The following CHN1 variants were observed in gnomAD, a reference collection of about 807,000 sequenced individuals.
CHN1 encodes chimerin 1, also known as N-chimaerin.
CHN1 carries 37 observed loss-of-function variants against 59.5 expected under a neutral mutation model. The observed-to-expected ratio is 0.62, with a 90% CI of 0.48 to 0.82. The LOEUF is 0.82. CHN1 is among the 40% of genes least tolerant of loss of function. CHN1 has a pLI of 0.00. For synonymous variants in CHN1, 206 were observed against 200.4 expected, an observed-to-expected ratio of 1.03 and a Z score of -0.24; for missense variants, 469 against 571.0, an observed-to-expected ratio of 0.82 and a Z score of 1.82.
At chr2:174,831,470 C>T (rs1685876895) in intron 7 of CHN1, among the ~76,000 whole-genome samples, 1 of 152,108 alleles carries the variant, frequency 6.6e-6, no homozygotes. Flanking sequence ...TACACAGAAC[C>T]ATCAATCTGA....
At chr2:174,869,276 AAT>A (rs1174821410) in intron 6 of CHN1, among the ~76,000 whole-genome samples, 1 of 152,186 alleles carries the variant, frequency 6.6e-6, no homozygotes, top group Non-Finnish European at 1.5e-5. Context: ...ATACACCTCT[AAT>A]TCCTTTGCTG....
chr2:174,938,420 T>C (rs1221487402), intron 3 of CHN1, among the ~76,000 whole-genome samples: 2 of 152,204 alleles, frequency 1.3e-5, no homozygotes, highest in African/African-American at 4.8e-5. Context: ...ACCATTAGCA[T>C]TAGTGGCTTA....
chr2:174,953,709 A>C (rs1690099268), intron 1 of CHN1, among the ~76,000 whole-genome samples: 1 of 152,180 alleles, frequency 6.6e-6, no homozygotes, highest in Non-Finnish European at 1.5e-5. Flanking sequence ...ACAAAAACCA[A>C]AAAAACTTAG....
At chr2:174,876,022 T>C (rs1574115328) in intron 6 of CHN1, among the ~76,000 whole-genome samples, 1 of 152,312 alleles carries the variant, frequency 6.6e-6, no homozygotes, top group East Asian at 1.9e-4. Flanking sequence ...TCACTCTCAG[T>C]AGCTATCGCT....
At position 174,955,339 on chromosome 2, in the gene CHN1, A is replaced by C. The variant is rs548654007; in HGVS notation, c.20-3137T>G. Among the ~76,000 whole-genome samples, 16 of 152,002 alleles carry C rather than the reference A, an allele frequency of 1.1e-4. No individual in the cohort carries two copies. The East Asian group carries it at 2.9e-3, about 28-fold the overall frequency. On this transcript the variant is annotated intron_variant, in intron 1 of 12. Transcript: ENST00000409900. ...CATTTGCAGCAGTTCAGGTGAACTTACCCAGATGGAATTGGAGACCATTAT... is the reference window on the plus strand; with the variant it reads ...CATTTGCAGCAGTTCAGGTGAACTTCCCCAGATGGAATTGGAGACCATTAT...
intron 2 of CHN1, among the ~76,000 whole-genome samples, chr2:174,948,472 C>G (rs1408127231): frequency 1.3e-5 from 2 of 152,182 alleles, no homozygotes; most frequent in African/African-American, 2.4e-5. Context: ...AAAGAGTCCA[C>G]AACTTAGACT....
chr2:174,881,653 T>C (rs755799533), intron 5 of CHN1, among the ~76,000 whole-genome samples: 1 of 152,168 alleles, frequency 6.6e-6, no homozygotes, highest in Non-Finnish European at 1.5e-5. Flanking sequence ...TCAATAGATA[T>C]GCATGGAAGA....
chr2:174,956,834 T>C (rs902925281), intron 1 of CHN1, among the ~76,000 whole-genome samples: 2 of 151,778 alleles, frequency 1.3e-5, no homozygotes, highest in Non-Finnish European at 2.9e-5. Flanking sequence ...AATGAAATAA[T>C]GCAGCAAATA....
Position 174,945,113 on chromosome 2 carries a change from G to C in CHN1, c.59-170C>G, listed in dbSNP as rs1689786058. 7.3e-6 allele frequency: 4 copies of C among 546,958 alleles called. No homozygotes were observed. In the South Asian group the frequency reaches 1.2e-4, roughly 16 times the overall value. The allele number at this position is 546,958 out of a possible 1,614,324, so 33.9% of individuals were successfully genotyped here. A position where few individuals can be genotyped will look rare whatever the true frequency, so the allele number is the denominator to read the frequency against. On this transcript the variant is annotated intron_variant, in intron 2 of 12. Coordinates refer to ENST00000409900, the MANE Select transcript of CHN1 (RefSeq NM_001822.7). ...AAAAGTAAACAAAACTACATATAGT[G>C]AAAGCCCAGGAGCAATTCAAACAGA... is the stretch of plus-strand genomic sequence containing the variant.
intron 5 of CHN1, among the ~76,000 whole-genome samples, chr2:174,899,423 G>C (rs952262492): frequency 1.3e-5 from 2 of 152,158 alleles, no homozygotes; most frequent in Admixed American, 1.3e-4. Context: ...TCAAAGATTT[G>C]CCAAAGATGG....
At chr2:174,967,245 G>C (rs1000580225) in intron 1 of CHN1, among the ~76,000 whole-genome samples, 5 of 152,082 alleles carry the variant, frequency 3.3e-5, no homozygotes, top group Non-Finnish European at 5.9e-5. Flanking sequence ...TGGGGTAGGA[G>C]GCAGGAGTGG....
chr2:174,846,274 A>G lies in CHN1; in HGVS notation c.627+606T>C, dbSNP rs2105434856. 8 of 1,529,434 alleles carry G rather than the reference A, an allele frequency of 5.2e-6. No individual in the cohort carries two copies. In the African/African-American group the frequency reaches 5.6e-5, roughly 11 times the overall value. The allele number at this position is 1,529,434 out of a possible 1,614,324, so 94.7% of individuals were successfully genotyped here. A position where few individuals can be genotyped will look rare whatever the true frequency, so the allele number is the denominator to read the frequency against. On this transcript the variant is annotated intron_variant, in intron 7 of 12. Coordinates refer to ENST00000409900, the MANE Select transcript of CHN1 (RefSeq NM_001822.7). Reference sequence around the variant, plus strand: ...AAGAAAATTCAAGTACAGTTGATAAACCACATTAACACAATAATTAAAAAC... The same window carrying G: ...AAGAAAATTCAAGTACAGTTGATAAGCCACATTAACACAATAATTAAAAAC...
chr2:174,801,111 G>A (rs1252201769), intron 12 of CHN1, among the ~76,000 whole-genome samples: 1 of 152,166 alleles, frequency 6.6e-6, no homozygotes, highest in African/African-American at 2.4e-5. Context: ...GATAGAGATC[G>A]AGGGTGACCA....
At chr2:174,925,898 C>G (rs1215231986) in intron 3 of CHN1, among the ~76,000 whole-genome samples, 1 of 152,174 alleles carries the variant, frequency 6.6e-6, no homozygotes, top group South Asian at 2.1e-4. Context: ...CTCACAAGCT[C>G]TTGAGAATGT....
chr2:174,893,683 G>A (rs191704898), intron 5 of CHN1, among the ~76,000 whole-genome samples: 4 of 152,110 alleles, frequency 2.6e-5, no homozygotes, highest in Non-Finnish European at 4.4e-5. Flanking sequence ...AACGATCTTG[G>A]GAAAGACAAA....
intron 5 of CHN1, among the ~76,000 whole-genome samples, chr2:174,902,300 G>A (rs1688409055): frequency 6.6e-6 from 1 of 152,022 alleles, no homozygotes; most frequent in African/African-American, 2.4e-5. Context: ...TTCCTACTGT[G>A]TCACATCAAT....
At chr2:174,802,887 A>T (rs1684772180) in intron 11 of CHN1, among the ~76,000 whole-genome samples, 1 of 152,052 alleles carries the variant, frequency 6.6e-6, no homozygotes, top group Non-Finnish European at 1.5e-5. Flanking sequence ...AAAATACAAA[A>T]ATTAGCCAGG....
chr2:175,005,300 A>T lies in CHN1; in HGVS notation c.-388T>A. ...CGGCGGCGACGGGGAGAGCAGCAGCAGCCTCGCACAGCCCCCGGCGGGGCG... is the reference window on the plus strand; with the variant it reads ...CGGCGGCGACGGGGAGAGCAGCAGCTGCCTCGCACAGCCCCCGGCGGGGCG... On this transcript the variant is annotated 5_prime_UTR_variant, in exon 1 of 13. Transcript: ENST00000409900. 1.7e-6 allele frequency: 2 copies of T among 1,193,758 alleles called. No individual in the cohort carries two copies. Among genetic ancestry groups the T allele is most frequent in the South Asian group, 3.4e-5 (2 of 59,310 alleles). The allele number at this position is 1,193,758 out of a possible 1,614,324, so 73.9% of individuals were successfully genotyped here.
At chr2:174,992,802 C>T (rs1040480820) in intron 1 of CHN1, among the ~76,000 whole-genome samples, 1 of 150,324 alleles carries the variant, frequency 6.7e-6, no homozygotes, top group Admixed American at 6.6e-5. Flanking sequence ...GATATCTAAT[C>T]ACTTTTTTTT....
Sources: allele counts gnomAD v4.1 joint callset (sites outside exome capture counted in the v4.1 genomes callset), GRCh38; gene constraint gnomAD v4.1.1; transcripts MANE v1.5; gene names NCBI Gene and HGNC (gene_info 2026-07-23, HGNC 2026-07-21).